The following UBE3C variants were observed in gnomAD, a reference collection of about 807,000 sequenced individuals.
The protein encoded by UBE3C is ubiquitin-protein ligase E3C.
In UBE3C, 42 loss-of-function variants were observed where a neutral mutation model predicts 129.4. The observed-to-expected ratio is 0.32, with a 90% CI of 0.25 to 0.42. The LOEUF is 0.42. Among genes scored for constraint, UBE3C ranks in the 10% least tolerant of loss-of-function variants. The pLI, the probability that UBE3C is intolerant of heterozygous loss-of-function variation, is 1.00. For missense variants in UBE3C, 1,049 were observed against 1,319.1 expected (o/e 0.80, Z 3.17); for synonymous variants, 510 against 492.4 (o/e 1.04, Z -0.47).
chr7:157,247,631 G>A (rs979019090), intron 18 of UBE3C, among the ~76,000 whole-genome samples: 3 of 152,136 alleles, frequency 2.0e-5, no homozygotes, highest in African/African-American at 7.2e-5. Context: ...GGCGGAGGTT[G>A]CAGTGAGCTG....
At position 157,211,445 on chromosome 7, in the gene UBE3C, G is replaced by T. The variant is rs186893589; in HGVS notation, c.1809+3510G>T. Among the ~76,000 whole-genome samples the T allele has an allele frequency of 1.1e-3, 161 of 152,216 alleles. 1 individual carries two copies. The highest frequency in any genetic ancestry group is 3.5e-3 in the African/African-American group (144 of 41,530). ...ACTACTAAAGTGGATGCTATATGCA[G>T]TAATTTTATAGTGTTTTAAATATGT... On this transcript the variant is annotated intron_variant, in intron 13 of 22. Transcript: ENST00000348165.
At position 157,206,631 on chromosome 7, in the gene UBE3C, C is replaced by A. The variant is rs145260126; in HGVS notation, c.1419-767C>A. The stretch of plus-strand genomic sequence containing the variant: ...TGAAACAGAGTCTGGCTCTGTTCCC[C>A]AGGCTGGAGTGCAGTGGCGCAATCT... On this transcript the variant is annotated intron_variant, in intron 11 of 22. Coordinates refer to ENST00000348165, the MANE Select transcript of UBE3C (RefSeq NM_014671.3). Among the ~76,000 whole-genome samples the A allele has an allele frequency of 1.9e-3, 290 of 152,064 alleles. 3 individuals carry two copies. The highest frequency in any genetic ancestry group is 6.4e-3 in the African/African-American group (265 of 41,452).
chr7:157,148,762 A>G (rs1014781160), intron 1 of UBE3C, among the ~76,000 whole-genome samples: 1 of 145,362 alleles, frequency 6.9e-6, no homozygotes, highest in Non-Finnish European at 1.5e-5. Flanking sequence ...TTTAAGAGAC[A>G]GGGCCTCACT....
At chr7:157,149,320 T>G (rs938578444) in intron 1 of UBE3C, among the ~76,000 whole-genome samples, 11 of 152,102 alleles carry the variant, frequency 7.2e-5, no homozygotes, top group African/African-American at 2.7e-4. Flanking sequence ...CCTCCCAAAG[T>G]GCTGGGATTA....
Position 157,223,248 on chromosome 7 carries a change from T to C in UBE3C, c.2003-6T>C. 6.2e-7 allele frequency: 1 copy of C among 1,613,952 alleles called. No individual in the cohort carries two copies. Among genetic ancestry groups the C allele is most frequent in the Admixed American group, 1.7e-5 (1 of 60,026 alleles). On this transcript the variant is annotated splice_region_variant and splice_polypyrimidine_tract_variant and intron_variant, in intron 15 of 22. Coordinates refer to ENST00000348165, the MANE Select transcript of UBE3C (RefSeq NM_014671.3). Reference sequence around the variant, plus strand: ...GAACTAATTAAGGTTTTAAAATGTGTTTTAGTGGGTTTGGAGTCCCCGCCG... The same window carrying C: ...GAACTAATTAAGGTTTTAAAATGTGCTTTAGTGGGTTTGGAGTCCCCGCCG...
At chr7:157,146,223 G>A (rs765973934) in intron 1 of UBE3C, among the ~76,000 whole-genome samples, 16 of 151,968 alleles carry the variant, frequency 1.1e-4, no homozygotes, top group Non-Finnish European at 2.2e-4. Flanking sequence ...AAGATCAGTT[G>A]GCTATATTTT....
chr7:157,193,052 G>A (rs1217371931), intron 10 of UBE3C, among the ~76,000 whole-genome samples: 6 of 152,132 alleles, frequency 3.9e-5, no homozygotes, highest in Non-Finnish European at 8.8e-5. Flanking sequence ...GTCAATGCTG[G>A]AATGCTAGCG....
intron 18 of UBE3C, among the ~76,000 whole-genome samples, chr7:157,247,142 T>A: frequency 6.6e-6 from 1 of 152,098 alleles, no homozygotes; most frequent in East Asian, 1.9e-4. Context: ...CGCCTCAGCC[T>A]CCCAAAGTGC....
chr7:157,159,960 G>A lies in UBE3C; in HGVS notation c.67-3850G>A, dbSNP rs117798337. Among the ~76,000 whole-genome samples, 1,147 of 152,150 alleles carry A rather than the reference G, an allele frequency of 7.5e-3. 5 individuals are homozygous for A. The highest frequency in any genetic ancestry group is 0.013 in the Non-Finnish European group (857 of 68,002). ...CTTAAACTAAGCAGCGTAGCGTCTC[G>A]TATTCTTTTGTTGTGATTATAAACA... is the stretch of plus-strand genomic sequence containing the variant. On this transcript the variant is annotated intron_variant, in intron 1 of 22. Transcript: ENST00000348165.
chr7:157,237,522 T>C (rs73507561), intron 18 of UBE3C, among the ~76,000 whole-genome samples: 50,989 of 152,122 alleles, frequency 0.34, 11,595 homozygotes, highest in African/African-American at 0.64. Flanking sequence ...TAGGTCTTGC[T>C]TACTATTGAG....
intron 1 of UBE3C, among the ~76,000 whole-genome samples, chr7:157,149,531 G>A (rs915807287): frequency 2.0e-5 from 3 of 152,076 alleles, no homozygotes; most frequent in Non-Finnish European, 2.9e-5. Flanking sequence ...ATGCACAGGC[G>A]GACCCTGCAC....
At chr7:157,263,728 C>T (rs1796986340) in intron 22 of UBE3C, among the ~76,000 whole-genome samples, 1 of 147,860 alleles carries the variant, frequency 6.8e-6, no homozygotes, top group Non-Finnish European at 1.5e-5. Context: ...CTGTTGGCAC[C>T]GAAAGCACTT....
At position 157,254,279 on chromosome 7, in the gene UBE3C, A is replaced by G; in HGVS notation, c.2919A>G (p.Leu973=). ...LISGAQVPIS[L]EDLKSFTNYS... is the part of the protein sequence containing the mutation. ...CTGGTGCACAAGTTCCCATAAGCCT[A>G]GAGGACCTAAAATCCTTTACAAACT... Residue 973 remains leucine, a synonymous_variant, in exon 21 of 23, where the codon CTA becomes CTG. Coordinates refer to ENST00000348165, the MANE Select transcript of UBE3C (RefSeq NM_014671.3). The G allele has an allele frequency of 6.2e-7, 1 of 1,613,490 alleles. No homozygotes were observed. The highest frequency in any genetic ancestry group is 8.5e-7 in the Non-Finnish European group (1 of 1,179,878).
intron 18 of UBE3C, among the ~76,000 whole-genome samples, chr7:157,232,696 G>A (rs964371616): frequency 1.1e-4 from 16 of 152,162 alleles, no homozygotes; most frequent in Non-Finnish European, 1.6e-4. Flanking sequence ...TGTTGCTATT[G>A]TGATTAATTT....
intron 8 of UBE3C, among the ~76,000 whole-genome samples, chr7:157,182,924 T>C (rs1490079190): frequency 1.3e-5 from 2 of 152,110 alleles, no homozygotes; most frequent in Non-Finnish European, 2.9e-5. Flanking sequence ...AATTTTTGTA[T>C]TTTTAGTAGA....
chr7:157,248,608 A>AC, intron 19 of UBE3C, 28 bp downstream of exon 19: 1 of 1,606,050 alleles, frequency 6.2e-7, no homozygotes, highest in Non-Finnish European at 8.5e-7. Context: ...GGATTCACAT[A>AC]CCTGTATAGC....
intron 17 of UBE3C, among the ~76,000 whole-genome samples, chr7:157,227,494 C>T (rs751595172): frequency 8.6e-5 from 13 of 151,910 alleles, no homozygotes; most frequent in Admixed American, 5.2e-4. Context: ...GTCAGGAGAT[C>T]GAGACCAGCC....
intron 10 of UBE3C, among the ~76,000 whole-genome samples, chr7:157,197,065 A>T (rs1184768118): frequency 6.6e-6 from 1 of 152,244 alleles, no homozygotes; most frequent in Non-Finnish European, 1.5e-5. Context: ...TTCTGATACT[A>T]GTAATATATC....
intron 11 of UBE3C, among the ~76,000 whole-genome samples, chr7:157,204,524 C>T (rs995729709): frequency 2.6e-5 from 4 of 152,036 alleles, no homozygotes; most frequent in Admixed American, 1.3e-4. Flanking sequence ...GGGGGCCAAC[C>T]GAGAAGCACT....
Sources: gnomAD v4.1 joint callset for allele counts (sites outside exome capture counted in the v4.1 genomes callset) on GRCh38, gnomAD v4.1.1 for gene constraint, MANE v1.5 for transcripts, NCBI Gene and HGNC (gene_info 2026-07-23, HGNC 2026-07-21) for gene names.